Variants in TXNDC15 observed in about 807,000 individuals in gnomAD.
The protein encoded by TXNDC15 is thioredoxin domain containing 15, also known as thioredoxin domain-containing protein 15.
Under a neutral mutation model 35.0 loss-of-function variants are expected in TXNDC15, and 24 were observed. The ratio of observed to expected loss-of-function variants is 0.68; its 90% CI spans 0.50 to 0.96. The LOEUF is 0.96. Among genes scored for constraint, TXNDC15 ranks in the 40% least tolerant of loss-of-function variants. TXNDC15 has a pLI of 0.00. For synonymous variants in TXNDC15, 169 were observed against 174.0 expected, an observed-to-expected ratio of 0.97 and a Z score of 0.23; for missense variants, 385 against 453.3, an observed-to-expected ratio of 0.85 and a Z score of 1.37.
At chr5:134,887,519 C>T (rs1006785382) in intron 1 of TXNDC15, among the ~76,000 whole-genome samples, 176 bp from the exon 2 acceptor site, 8 of 152,174 alleles carry the variant, frequency 5.3e-5, no homozygotes, top group African/African-American at 1.9e-4. Flanking sequence ...TTAATAGTAC[C>T]TGCTTGTGAC....
chr5:134,882,328 G>A (rs916304521), intron 1 of TXNDC15, among the ~76,000 whole-genome samples: 3 of 151,458 alleles, frequency 2.0e-5, no homozygotes, highest in Non-Finnish European at 2.9e-5. Flanking sequence ...ATGGGATGGC[G>A]GCCGGGCAGA....
chr5:134,899,780 C>G lies in TXNDC15; in HGVS notation c.*95C>G. 9.9e-7 allele frequency: 1 copy of G among 1,011,942 alleles called. No individual in the cohort carries two copies. Among genetic ancestry groups the G allele is most frequent in the Non-Finnish European group, 1.4e-6 (1 of 705,090 alleles). 62.7% of individuals were successfully genotyped at this position (1,011,942 alleles called of 1,614,324 possible). Reference sequence around the variant, plus strand: ...TACATTTTCTCCAGTGACGTGTTGACTTGAAACTTCAGGCAGATTAAAAGA... The same window carrying G: ...TACATTTTCTCCAGTGACGTGTTGAGTTGAAACTTCAGGCAGATTAAAAGA... On this transcript the variant is annotated 3_prime_UTR_variant, in exon 5 of 5. Coordinates refer to ENST00000358387, the MANE Select transcript of TXNDC15 (RefSeq NM_024715.4).
intron 1 of TXNDC15, chr5:134,874,961 CTG>C (rs1196037038): frequency 5.5e-6 from 2 of 364,508 alleles, no homozygotes; most frequent in Non-Finnish European, 1.1e-5. Context: ...CCCACAAACC[CTG>C]TCAGATCGGT....
Position 134,893,121 on chromosome 5 carries a change from C to A in TXNDC15, c.592-371C>A, listed in dbSNP as rs138624513. On this transcript the variant is annotated intron_variant, in intron 2 of 4. Coordinates refer to ENST00000358387, the MANE Select transcript of TXNDC15 (RefSeq NM_024715.4). ...ACAAACTTTCAATCTGCAAAAAATGCAATGTCAGCAAAGTGCAATGGAGTG... is the reference window on the plus strand; with the variant it reads ...ACAAACTTTCAATCTGCAAAAAATGAAATGTCAGCAAAGTGCAATGGAGTG... 8 of 159,386 alleles carry A rather than the reference C, an allele frequency of 5.0e-5. No homozygotes were observed. The East Asian group carries it at 1.3e-3, about 25-fold the overall frequency. 9.9% of individuals were successfully genotyped at this position (159,386 alleles called of 1,614,324 possible). A position where few individuals can be genotyped will look rare whatever the true frequency, so the allele number is the denominator to read the frequency against.
In TXNDC15 at chr5:134,874,530, GGTGA is replaced by G. The variant is rs1451722136; in HGVS notation, c.103+4_103+7del. ...GGGACTTCCCGTCCGCGGCGTGGAGGGTGAGTGTGGGCCGGGGGCGGTGCATGAG... is the reference window on the plus strand; with the variant it reads ...GGGACTTCCCGTCCGCGGCGTGGAGGGTGTGGGCCGGGGGCGGTGCATGAG... On this transcript the variant is annotated splice_donor_variant and splice_donor_region_variant and intron_variant, in intron 1 of 4. Transcript: ENST00000358387. LOFTEE classifies it high-confidence loss of function. 3 of 1,598,160 alleles carry G rather than the reference GGTGA, an allele frequency of 1.9e-6. No homozygotes were observed. In the South Asian group the frequency reaches 3.3e-5, roughly 18 times the overall value.
intron 3 of TXNDC15, among the ~76,000 whole-genome samples, chr5:134,894,683 T>C (rs1475261404): frequency 6.6e-6 from 1 of 152,108 alleles, no homozygotes; most frequent in African/African-American, 2.4e-5. Context: ...GTAAAGTAAG[T>C]TACAGAGAAC....
chr5:134,888,325 A>G, intron 2 of TXNDC15, 143 bp downstream of exon 2: 1 of 870,848 alleles, frequency 1.1e-6, no homozygotes, highest in South Asian at 1.8e-5. Flanking sequence ...AGTGAAAATC[A>G]ACTTTGCCCT....
Position 134,891,489 on chromosome 5 carries a change from C to T in TXNDC15, c.592-2003C>T, listed in dbSNP as rs566266399. Among the ~76,000 whole-genome samples, 128 of 152,222 alleles carry T rather than the reference C, an allele frequency of 8.4e-4. 3 individuals are homozygous for T. In the South Asian group the frequency reaches 0.026, roughly 30 times the overall value. ...ATCTTTTTTTCTGAGCAGTAGGTCTCAACAGTGGGCCTAAAATACTCAGGA... is the reference window on the plus strand; with the variant it reads ...ATCTTTTTTTCTGAGCAGTAGGTCTTAACAGTGGGCCTAAAATACTCAGGA... On this transcript the variant is annotated intron_variant, in intron 2 of 4. Coordinates refer to ENST00000358387, the MANE Select transcript of TXNDC15 (RefSeq NM_024715.4).
chr5:134,882,943 T>C (rs958091395), intron 1 of TXNDC15, among the ~76,000 whole-genome samples: 1 of 152,226 alleles, frequency 6.6e-6, no homozygotes, highest in African/African-American at 2.4e-5. Context: ...ATTATTCTTA[T>C]AGAGTGCAAT....
At position 134,874,418 on chromosome 5, in the gene TXNDC15, G is replaced by A; in HGVS notation, c.-10G>A. The A allele has an allele frequency of 1.3e-6, 2 of 1,592,634 alleles. No individual in the cohort carries two copies. Among genetic ancestry groups the A allele is most frequent in the South Asian group, 1.1e-5 (1 of 89,726 alleles). On this transcript the variant is annotated 5_prime_UTR_variant, in exon 1 of 5. Transcript: ENST00000358387. ...CGTAGCCGTGCGCCGATTGCCTCTC[G>A]GCCTGGGCAATGGTCCCGGCTGCCG...
At position 134,874,542 on chromosome 5, in the gene TXNDC15, CCGGGGG is replaced by C. The variant is rs1234631262; in HGVS notation, c.103+16_103+21del. 4 of 1,590,590 alleles carry C rather than the reference CCGGGGG, an allele frequency of 2.5e-6. No homozygotes were observed. The highest frequency in any genetic ancestry group is 1.7e-5 in the Admixed American group (1 of 59,172). On this transcript the variant is annotated intron_variant, in intron 1 of 4. Coordinates refer to ENST00000358387, the MANE Select transcript of TXNDC15 (RefSeq NM_024715.4). ...CCGCGGCGTGGAGGGTGAGTGTGGG[CCGGGGG>C]CGGTGCATGAGATGATGGGGCGAGC...
intron 2 of TXNDC15, among the ~76,000 whole-genome samples, chr5:134,890,702 A>C (rs1215290689): frequency 6.6e-6 from 1 of 151,946 alleles, no homozygotes; most frequent in African/African-American, 2.4e-5. Flanking sequence ...GAGCCACCAC[A>C]CCTGGCCTGT....
At chr5:134,874,562 G>T in intron 1 of TXNDC15, 32 bp downstream of exon 1, 2 of 1,552,554 alleles carry the variant, frequency 1.3e-6, no homozygotes. Flanking sequence ...TGCATGAGAT[G>T]ATGGGGCGAG....
chr5:134,887,749 A>C lies in TXNDC15; in HGVS notation c.158A>C (p.Gln53Pro). 1 of 1,612,026 alleles carries C rather than the reference A, an allele frequency of 6.2e-7. No individual in the cohort carries two copies. The highest frequency in any genetic ancestry group is 1.3e-5 in the African/African-American group (1 of 75,020). ...GAGGAGCAGCCTGCTCACCCTCTCC[A>C]GGTGGGGGCTGTGTACCTGGGTGAG... ...WSEEQPAHPL[Q>P]VGAVYLGEEE... is the part of the protein sequence containing the mutation. Residue 53 changes from glutamine to proline, a missense_variant, in exon 2 of 5, where the codon CAG becomes CCG. Coordinates refer to ENST00000358387, the MANE Select transcript of TXNDC15 (RefSeq NM_024715.4).
Position 134,887,990 on chromosome 5 carries a change from G to C in TXNDC15, c.399G>C (p.Leu133=), listed in dbSNP as rs758417379. 4.2e-5 allele frequency: 67 copies of C among 1,614,092 alleles called. No individual in the cohort carries two copies. Among genetic ancestry groups the C allele is most frequent in the Non-Finnish European group, 5.7e-5 (67 of 1,180,054 alleles). ...RCNVRESLFS[L]DGAGAHFPDR... is the part of the protein sequence containing the mutation. ...ACGTCCGAGAGAGCCTTTTCTCTCT[G>C]GATGGCGCTGGAGCACACTTCCCTG... The change falls in exon 2 of 5, where the codon CTG becomes CTC. Residue 133 remains leucine, a synonymous_variant. Transcript: ENST00000358387.
chr5:134,887,889 G>A lies in TXNDC15; in HGVS notation c.298G>A (p.Glu100Lys), dbSNP rs1750308050. 9 of 1,614,246 alleles carry A rather than the reference G, an allele frequency of 5.6e-6. No homozygotes were observed. The highest frequency in any genetic ancestry group is 7.6e-6 in the Non-Finnish European group (9 of 1,180,050). Residue 100 changes from glutamate (E) to lysine (K), a missense_variant, in exon 2 of 5, where the codon GAA becomes AAA. By Grantham distance (56) the Glu-to-Lys change is moderately conservative. Coordinates refer to ENST00000358387, the MANE Select transcript of TXNDC15 (RefSeq NM_024715.4). The stretch of plus-strand genomic sequence containing the variant: ...GGTGATGCTGTCTGTGATTCCTGGG[G>A]AAGCTGAGGACAAAGTGAGTTCAGA... ...HMVMLSVIPG[E>K]AEDKVSSEPS...
intron 1 of TXNDC15, among the ~76,000 whole-genome samples, chr5:134,876,062 G>A (rs1236995010): frequency 6.6e-6 from 1 of 152,142 alleles, no homozygotes; most frequent in Non-Finnish European, 1.5e-5. Context: ...CTTTGACAAG[G>A]TCATACAGCC....
intron 1 of TXNDC15, chr5:134,875,133 C>T: frequency 2.2e-6 from 1 of 456,302 alleles, no homozygotes; most frequent in Non-Finnish European, 4.4e-6. Flanking sequence ...GCTCAGCTCC[C>T]TGCATGAAAA....
chr5:134,873,872 T>C (rs1051230915), upstream of TXNDC15: 4 of 152,426 alleles, frequency 2.6e-5, no homozygotes, highest in South Asian at 2.0e-4. Flanking sequence ...TCCCTTATAC[T>C]ATAAGGGTTA....
Sources: gnomAD v4.1 joint callset for allele counts (sites outside exome capture counted in the v4.1 genomes callset) on GRCh38, gnomAD v4.1.1 for gene constraint, MANE v1.5 for transcripts, NCBI Gene and HGNC (gene_info 2026-07-23, HGNC 2026-07-21) for gene names.